The following PHACTR1 variants were observed in gnomAD, a reference collection of about 807,000 sequenced individuals.
The protein encoded by PHACTR1 is RPEL repeat containing 1.
In PHACTR1, 16 loss-of-function variants were observed where a neutral mutation model predicts 69.2. The observed-to-expected ratio is 0.23, with a 90% CI of 0.16 to 0.35. The LOEUF (loss-of-function observed/expected upper bound fraction) is 0.35. PHACTR1 is among the 10% of genes least tolerant of loss of function. PHACTR1 has a pLI of 1.00. For synonymous variants in PHACTR1, 312 were observed against 284.5 expected (o/e 1.10, Z -0.97); for missense variants, 510 against 734.7 (o/e 0.69, Z 3.54).
chr6:12,961,862 A>G (rs1383560662), intron 4 of PHACTR1, among the ~76,000 whole-genome samples: 1 of 152,092 alleles, frequency 6.6e-6, no homozygotes, highest in African/African-American at 2.4e-5. Flanking sequence ...TTCTCACCTC[A>G]TCCTCCCACA....
chr6:12,860,779 G>A (rs1258208758), intron 4 of PHACTR1, among the ~76,000 whole-genome samples: 1 of 152,022 alleles, frequency 6.6e-6, no homozygotes, highest in Non-Finnish European at 1.5e-5. Flanking sequence ...ATGTTCGTTG[G>A]CCACATAAAT....
chr6:12,760,959 C>A (rs145936559), intron 4 of PHACTR1, among the ~76,000 whole-genome samples: 4 of 152,190 alleles, frequency 2.6e-5, no homozygotes, highest in Admixed American at 2.6e-4. Flanking sequence ...ACAACAGAAT[C>A]GTAGCTTTCT....
intron 5 of PHACTR1, among the ~76,000 whole-genome samples, chr6:13,111,578 A>G (rs1817043822): frequency 6.6e-6 from 1 of 152,176 alleles, no homozygotes; most frequent in Non-Finnish European, 1.5e-5. Context: ...GGATCTTATA[A>G]TGTCACAACC....
rs536264126 is a variant in PHACTR1 at position 12,952,483 on chromosome 6, C to A, written c.251-100882C>A. 3.7e-3 allele frequency among the ~76,000 whole-genome samples: 570 copies of A among 152,318 alleles called. 7 individuals carry two copies. Among genetic ancestry groups the A allele is most frequent in the African/African-American group, 0.013 (538 of 41,580 alleles). ...GTAGTCAGACTCAAACAGTGTGTGGCCTTTCCAGGCTGGCTCTTTTCCATG... is the reference window on the plus strand; with the variant it reads ...GTAGTCAGACTCAAACAGTGTGTGGACTTTCCAGGCTGGCTCTTTTCCATG... On this transcript the variant is annotated intron_variant, in intron 4 of 14. Transcript: ENST00000332995.
At chr6:13,216,478 T>C (rs1767691811) in intron 8 of PHACTR1, among the ~76,000 whole-genome samples, 1 of 152,230 alleles carries the variant, frequency 6.6e-6, no homozygotes, top group Non-Finnish European at 1.5e-5. Context: ...TGTTTGCTTG[T>C]GAAGTGGTGT....
At chr6:12,964,406 T>C (rs1793168863) in intron 4 of PHACTR1, among the ~76,000 whole-genome samples, 1 of 152,132 alleles carries the variant, frequency 6.6e-6, no homozygotes, top group Non-Finnish European at 1.5e-5. Flanking sequence ...CTAAGAGTCT[T>C]GAGAGCTGAA....
chr6:12,934,695 GT>G lies in PHACTR1; in HGVS notation c.251-118669del, dbSNP rs1562027327. 2.0e-5 allele frequency among the ~76,000 whole-genome samples: 3 copies of G among 152,228 alleles called. No individual in the cohort carries two copies. In the South Asian group the frequency reaches 6.2e-4, roughly 32 times the overall value. ...TAATAAAAATACAAAAATTAGTCGG[GT>G]GTGGTAGCACGCGCCTGTAATCCCA... On this transcript the variant is annotated intron_variant, in intron 4 of 14. Transcript: ENST00000332995.
intron 4 of PHACTR1, among the ~76,000 whole-genome samples, chr6:12,900,809 C>T (rs1208529207): frequency 6.6e-6 from 1 of 152,204 alleles, no homozygotes; most frequent in African/African-American, 2.4e-5. Flanking sequence ...CTAATCATTC[C>T]TAACTCTTGT....
intron 4 of PHACTR1, among the ~76,000 whole-genome samples, chr6:12,990,901 C>T (rs1342241954): frequency 6.6e-6 from 1 of 152,122 alleles, no homozygotes; most frequent in African/African-American, 2.4e-5. Context: ...AGTTAAGCCA[C>T]ATCTATCTAT....
intron 7 of PHACTR1, 140 bp from the exon 8 acceptor site, chr6:13,205,675 C>T (rs1202592750): frequency 1.7e-5 from 13 of 746,076 alleles, no homozygotes; most frequent in Admixed American, 5.8e-5. Context: ...GCACTCATCA[C>T]GCTGGTGCCT....
intron 4 of PHACTR1, among the ~76,000 whole-genome samples, chr6:13,010,041 C>T (rs1799266388): frequency 6.6e-6 from 1 of 152,186 alleles, no homozygotes; most frequent in African/African-American, 2.4e-5. Flanking sequence ...ATCTCTGTGG[C>T]TACTCTTGGT....
intron 3 of PHACTR1, among the ~76,000 whole-genome samples, chr6:12,737,853 G>C (rs1764508868): frequency 6.6e-6 from 1 of 152,232 alleles, no homozygotes. Flanking sequence ...TCAAAATGCT[G>C]AGATTATAGG....
intron 4 of PHACTR1, among the ~76,000 whole-genome samples, chr6:12,941,090 A>T (rs528392570): frequency 6.6e-6 from 1 of 152,240 alleles, no homozygotes; most frequent in South Asian, 2.1e-4. Flanking sequence ...CATATGAGCA[A>T]TCCTTTTCTA....
chr6:12,781,986 C>T (rs1051209476), intron 4 of PHACTR1, among the ~76,000 whole-genome samples: 12 of 152,150 alleles, frequency 7.9e-5, no homozygotes, highest in Non-Finnish European at 5.9e-5. Context: ...CACTCATTCC[C>T]GAATGCCCAT....
intron 3 of PHACTR1, among the ~76,000 whole-genome samples, chr6:12,733,122 T>C (rs571552731): frequency 1.3e-4 from 20 of 152,352 alleles, no homozygotes; most frequent in African/African-American, 4.3e-4. Context: ...TTATTGTAGA[T>C]AGATGCATTT....
At chr6:13,161,258 G>A (rs1223544) in intron 6 of PHACTR1, among the ~76,000 whole-genome samples, 33,800 of 152,070 alleles carry the variant, frequency 0.22, 3,897 homozygotes, top group South Asian at 0.45. Context: ...GATTACAGGC[G>A]TGAGCCACCG....
chr6:13,018,872 T>C (rs1471171555), intron 4 of PHACTR1, among the ~76,000 whole-genome samples: 1 of 152,022 alleles, frequency 6.6e-6, no homozygotes, highest in Non-Finnish European at 1.5e-5. Context: ...TCTGTTTGTT[T>C]ATTTATTTAT....
chr6:13,148,937 A>T (rs772691679), intron 5 of PHACTR1, among the ~76,000 whole-genome samples: 1 of 152,240 alleles, frequency 6.6e-6, no homozygotes, highest in Non-Finnish European at 1.5e-5. Flanking sequence ...TACCAAGACC[A>T]CAGGAGTGCA....
rs1001708789 is a variant in PHACTR1, at chr6:12,867,089, G to GA, written c.250+117307dup. ...AAGCTGCATCAGGCACTGGTGAAAGGAAAAAAAATCAGGCCTCCAGCGAAG... is the reference window on the plus strand; with the variant it reads ...AAGCTGCATCAGGCACTGGTGAAAGGAAAAAAAAATCAGGCCTCCAGCGAAG... On this transcript the variant is annotated intron_variant, in intron 4 of 14. Coordinates refer to ENST00000332995, the MANE Select transcript of PHACTR1 (RefSeq NM_030948.6). Among the ~76,000 whole-genome samples, 7 of 151,930 alleles carry GA rather than the reference G, an allele frequency of 4.6e-5. No individual in the cohort carries two copies. The East Asian group carries it at 5.8e-4, about 13-fold the overall frequency.
Sources: gnomAD v4.1 joint callset for allele counts (sites outside exome capture counted in the v4.1 genomes callset) on GRCh38, gnomAD v4.1.1 for gene constraint, MANE v1.5 for transcripts, NCBI Gene and HGNC (gene_info 2026-07-23, HGNC 2026-07-21) for gene names.